TMEM70: variants seen among roughly 807,000 people sequenced by gnomAD.
TMEM70 encodes the protein transmembrane protein 70.
In TMEM70, 15 loss-of-function variants were observed where a neutral mutation model predicts 20.5. The ratio of observed to expected loss-of-function variants is 0.73; its 90% confidence interval spans 0.49 to 1.13. The LOEUF (loss-of-function observed/expected upper bound fraction) is 1.13, where lower values mean the gene tolerates loss of function less well. Ranked by LOEUF, TMEM70 falls within the 50% of genes most tolerant of loss-of-function variation. The probability of loss-of-function intolerance (pLI) is 0.00; values close to 1 mark genes in which losing one functional copy is unlikely to be tolerated. For missense variants in TMEM70, 344 were observed against 331.7 expected (o/e 1.04, Z -0.29); for synonymous variants, 141 against 134.2 (o/e 1.05, Z -0.35).
intron 2 of TMEM70, among the ~76,000 whole-genome samples, chr8:73,980,563 T>G (rs2131235825): frequency 6.6e-6 from 1 of 152,260 alleles, no homozygotes; most frequent in East Asian, 1.9e-4. Context: ...GATGGGAGTT[T>G]CACCATGTTG....
intron 1 of TMEM70, 112 bp from the exon 2 acceptor site, chr8:73,978,644 G>A (rs1036786465): frequency 9.1e-7 from 1 of 1,095,146 alleles, no homozygotes; most frequent in East Asian, 2.6e-5. Context: ...GGTGAGCTGA[G>A]ATCGCACCAC....
rs1815656366 is a variant in TMEM70 at position 73,976,619 on chromosome 8, C to T, written c.210+128C>T. The T allele has an allele frequency of 8.2e-6, 8 of 972,930 alleles. No homozygotes were observed. In the Admixed American group the frequency reaches 9.1e-5, roughly 11 times the overall value. The allele number at this position is 972,930 out of a possible 1,614,324, so 60.3% of individuals were successfully genotyped here. On this transcript the variant is annotated intron_variant, in intron 1 of 2. Coordinates refer to ENST00000312184, the MANE Select transcript of TMEM70 (RefSeq NM_017866.6). ...CGTGGCTGGAGCGCGGGAGGAGCCC[C>T]CTCTGCGGGGCTTGCAGAAGTAGCA...
At chr8:73,976,911 C>T (rs1039405798) in intron 1 of TMEM70, among the ~76,000 whole-genome samples, 16 of 152,234 alleles carry the variant, frequency 1.1e-4, no homozygotes, top group South Asian at 4.2e-4. Flanking sequence ...TACTTTGGTC[C>T]CTGGGAAAAG....
chr8:73,981,518 C>A lies in TMEM70; in HGVS notation c.680C>A (p.Pro227Gln), dbSNP rs1285682769. ...KSLLVNPVLF[P>Q]NREDYIHLMG... ...CTGTTAGTTAATCCAGTGCTCTTTCCAAACCGTGAAGACTATATCCATCTA... is the reference window on the plus strand; with the variant it reads ...CTGTTAGTTAATCCAGTGCTCTTTCAAAACCGTGAAGACTATATCCATCTA... The change falls in exon 3 of 3, where the codon CCA (proline) becomes CAA (glutamine). Residue 227 changes from proline to glutamine, a missense_variant. Pro to Gln is a moderately conservative substitution (Grantham distance 76). Coordinates refer to ENST00000312184, the MANE Select transcript of TMEM70 (RefSeq NM_017866.6). The A allele has an allele frequency of 6.2e-7, 1 of 1,613,860 alleles. No individual in the cohort carries two copies. The highest frequency in any genetic ancestry group is 8.5e-7 in the Non-Finnish European group (1 of 1,179,864).
intron 1 of TMEM70, 85 bp downstream of exon 1, chr8:73,976,576 C>A: frequency 7.6e-7 from 1 of 1,309,806 alleles, no homozygotes; most frequent in Non-Finnish European, 1.0e-6. Context: ...CGGCTCTTCG[C>A]GACCTCTCCC....
At chr8:73,976,991 TC>T (rs1815667821) in intron 1 of TMEM70, among the ~76,000 whole-genome samples, 1 of 152,214 alleles carries the variant, frequency 6.6e-6, no homozygotes, top group African/African-American at 2.4e-5. Context: ...CTGTAAAATA[TC>T]AGGATTGGCA....
intron 1 of TMEM70, among the ~76,000 whole-genome samples, chr8:73,978,457 A>C (rs1815706122): frequency 1.3e-5 from 2 of 148,350 alleles, no homozygotes; most frequent in South Asian, 4.6e-4. Context: ...TTGGGAGGCC[A>C]AGGTGGCAGA....
intron 2 of TMEM70, among the ~76,000 whole-genome samples, chr8:73,980,476 C>A (rs1327724846): frequency 1.3e-5 from 2 of 151,886 alleles, no homozygotes; most frequent in Non-Finnish European, 2.9e-5. Context: ...CAAGGATTTT[C>A]CTGCCTCAGC....
chr8:73,981,992 C>G lies in TMEM70; in HGVS notation c.*371C>G. ...ATTTTCCGACATTAAAAGACATTTT[C>G]TCTTTGAGGAAGACACAGTCATAGG... On this transcript the variant is annotated 3_prime_UTR_variant, in exon 3 of 3. Transcript: ENST00000312184. The G allele has an allele frequency of 2.1e-6, 1 of 468,604 alleles. No individual in the cohort carries two copies. The highest frequency in any genetic ancestry group is 1.5e-5 in the South Asian group (1 of 64,632). The allele number at this position is 468,604 out of a possible 1,614,324, so 29.0% of individuals were successfully genotyped here.
In TMEM70 at chr8:73,976,195, A is replaced by G. The variant is rs574531019; in HGVS notation, c.-87A>G. 5.4e-6 allele frequency: 7 copies of G among 1,306,732 alleles called. No homozygotes were observed. In the African/African-American group the frequency reaches 7.3e-5, roughly 14 times the overall value. 80.9% of individuals were successfully genotyped at this position (1,306,732 alleles called of 1,614,324 possible). A position where few individuals can be genotyped will look rare whatever the true frequency, so the allele number is the denominator to read the frequency against. ...AGGCGTCCCGGGCTGGGCATGCGCC[A>G]CTTGTGCGGCAGTCGGGTGGGAAGC... On this transcript the variant is annotated 5_prime_UTR_variant, in exon 1 of 3. Coordinates refer to ENST00000312184, the MANE Select transcript of TMEM70 (RefSeq NM_017866.6).
chr8:73,977,665 G>T (rs1202905377), intron 1 of TMEM70, among the ~76,000 whole-genome samples: 1 of 152,032 alleles, frequency 6.6e-6, no homozygotes, highest in Non-Finnish European at 1.5e-5. Flanking sequence ...AATTATTTTA[G>T]TAAAATTAAA....
At chr8:73,977,284 C>G (rs752254189) in intron 1 of TMEM70, among the ~76,000 whole-genome samples, 3 of 152,100 alleles carry the variant, frequency 2.0e-5, no homozygotes, top group African/African-American at 7.2e-5. Flanking sequence ...CGGGTTCAAG[C>G]GATTCTCCTG....
Position 73,978,850 on chromosome 8 carries a change from G to T in TMEM70, c.305G>T (p.Arg102Leu), listed in dbSNP as rs1455207577. The T allele has an allele frequency of 1.2e-6, 2 of 1,613,956 alleles. No homozygotes were observed. The highest frequency in any genetic ancestry group is 1.7e-6 in the Non-Finnish European group (2 of 1,180,006). The change falls in exon 2 of 3, where the codon CGA becomes CTA. Residue 102 changes from arginine to leucine, a missense_variant. Arg to Leu is a moderately radical substitution (Grantham distance 102). Coordinates refer to ENST00000312184, the MANE Select transcript of TMEM70 (RefSeq NM_017866.6). ...GRLIYTGNMA[R>L]AVFGVKCFSY... The stretch of plus-strand genomic sequence containing the variant: ...CTAATTTATACTGGCAATATGGCCC[G>T]AGCAGTGTTTGGTAAGTAATTGGAG...
At chr8:73,981,051 C>G in intron 2 of TMEM70, 104 bp from the exon 3 acceptor site, 1 of 948,824 alleles carries the variant, frequency 1.1e-6, no homozygotes, top group Non-Finnish European at 1.6e-6. Flanking sequence ...ATTTTGTTGT[C>G]TTGAGCTGAT....
intron 1 of TMEM70, among the ~76,000 whole-genome samples, chr8:73,976,845 G>T (rs1815664143): frequency 6.6e-6 from 1 of 152,238 alleles, no homozygotes; most frequent in Non-Finnish European, 1.5e-5. Context: ...AAAGAGCCAG[G>T]TTAACCTGAC....
intron 2 of TMEM70, 36 bp from the exon 3 acceptor site, chr8:73,981,119 A>G (rs1279597537): frequency 2.0e-6 from 3 of 1,537,766 alleles, no homozygotes; most frequent in African/African-American, 1.4e-5. Context: ...TATAAAATTT[A>G]AAAGTATTGA....
chr8:73,979,295 T>C, intron 2 of TMEM70: 3 of 224,458 alleles, frequency 1.3e-5, no homozygotes, highest in South Asian at 1.1e-4. Flanking sequence ...TCCCAAAGTA[T>C]TGGGATTACA....
At chr8:73,976,591 G>C in intron 1 of TMEM70, 100 bp downstream of exon 1, 1 of 1,223,442 alleles carries the variant, frequency 8.2e-7, no homozygotes, top group Non-Finnish European at 1.1e-6. Flanking sequence ...TCTCCCAGGT[G>C]TCCGTGGCTG....
rs1815713053 is a variant in TMEM70 at position 73,978,695 on chromosome 8, A to C, written c.211-61A>C. ...GAGACAGAGCAAGACTCTGTCTCAAAAAAAAAAACTTAAAAAAATTTAAGA... is the reference window on the plus strand; with the variant it reads ...GAGACAGAGCAAGACTCTGTCTCAACAAAAAAAACTTAAAAAAATTTAAGA... On this transcript the variant is annotated intron_variant, in intron 1 of 2. Transcript: ENST00000312184. 4 of 1,583,232 alleles carry C rather than the reference A, an allele frequency of 2.5e-6. No homozygotes were observed. In the South Asian group the frequency reaches 4.5e-5, roughly 18 times the overall value.
Sources: gnomAD v4.1 joint callset for allele counts (sites outside exome capture counted in the v4.1 genomes callset) on GRCh38, gnomAD v4.1.1 for gene constraint, MANE v1.5 for transcripts, NCBI Gene and HGNC (gene_info 2026-07-23, HGNC 2026-07-21) for gene names.